Variants in MAF observed in about 807,000 individuals in gnomAD.
MAF encodes transcription factor Maf.
In MAF, 10 loss-of-function variants were observed where a neutral mutation model predicts 22.0. The observed-to-expected ratio is 0.45, with a 90% confidence interval of 0.28 to 0.77. The LOEUF (loss-of-function observed/expected upper bound fraction) is 0.77. Among genes scored for constraint, MAF ranks in the 30% least tolerant of loss-of-function variants. The pLI, the probability that MAF is intolerant of heterozygous loss-of-function variation, is 0.12. For synonymous variants in MAF, 337 were observed against 255.8 expected (o/e 1.32, Z -3.03); for missense variants, 544 against 548.4 (o/e 0.99, Z 0.08).
the MAF span, among the ~76,000 whole-genome samples, chr16:79,372,323 T>C: frequency 3.3e-5 from 5 of 152,106 alleles, no homozygotes; most frequent in Non-Finnish European, 5.9e-5. Flanking sequence ...GAAGAAAGAT[T>C]TTTTAAATAA....
the MAF span, among the ~76,000 whole-genome samples, chr16:79,229,814 T>C: frequency 6.6e-6 from 1 of 152,034 alleles, no homozygotes; most frequent in African/African-American, 2.4e-5. Context: ...CCTAACCTAG[T>C]GGTGAGAGGG....
At chr16:79,267,476 A>T in the MAF span, among the ~76,000 whole-genome samples, 1 of 152,150 alleles carries the variant, frequency 6.6e-6, no homozygotes. Flanking sequence ...AATGGGAGGA[A>T]TCCCCTTTGC....
the MAF span, among the ~76,000 whole-genome samples, chr16:79,342,835 A>G: frequency 1.3e-5 from 2 of 152,218 alleles, no homozygotes; most frequent in African/African-American, 4.8e-5. Context: ...CACATGGTCC[A>G]TGCATAGCAG....
the MAF span, among the ~76,000 whole-genome samples, chr16:79,295,629 T>A: frequency 6.6e-6 from 1 of 152,228 alleles, no homozygotes; most frequent in African/African-American, 2.4e-5. Context: ...AGGCTAAATT[T>A]GTTAACTTAA....
the MAF span, among the ~76,000 whole-genome samples, chr16:79,288,976 C>T: frequency 4.7e-4 from 71 of 152,148 alleles, no homozygotes; most frequent in Non-Finnish European, 9.0e-4. Flanking sequence ...GTGATCCACC[C>T]GCCTCGGCCT....
the MAF span, among the ~76,000 whole-genome samples, chr16:79,401,486 A>G: frequency 6.6e-6 from 1 of 152,144 alleles, no homozygotes; most frequent in African/African-American, 2.4e-5. Flanking sequence ...TCTACTGAGA[A>G]TACACTTCAT....
the MAF span, among the ~76,000 whole-genome samples, chr16:79,568,235 G>C: frequency 1.2e-4 from 18 of 152,196 alleles, no homozygotes; most frequent in African/African-American, 3.6e-4. Flanking sequence ...GCTCTGCAAA[G>C]GAAGTCTGGC....
At chr16:79,207,244 GC>G in the MAF span, among the ~76,000 whole-genome samples, 1 of 152,220 alleles carries the variant, frequency 6.6e-6, no homozygotes, top group Non-Finnish European at 1.5e-5. Context: ...GGATAAGGTG[GC>G]TGGCTTTGCA....
the MAF span, among the ~76,000 whole-genome samples, chr16:79,459,535 C>A: frequency 6.6e-6 from 1 of 152,048 alleles, no homozygotes; most frequent in Non-Finnish European, 1.5e-5. Context: ...GGAAAAGTCA[C>A]TTCCCATTGC....
chr16:79,369,298 G>A, the MAF span, among the ~76,000 whole-genome samples: 1,672 of 152,232 alleles, frequency 0.011, 20 homozygotes, highest in East Asian at 0.045. Context: ...CAACACAGAC[G>A]GGATCCCTGT....
the MAF span, among the ~76,000 whole-genome samples, chr16:79,395,953 C>G: frequency 6.6e-6 from 1 of 152,144 alleles, no homozygotes; most frequent in Non-Finnish European, 1.5e-5. Context: ...AATGGCCCCC[C>G]CGGTGGCATT....
At chr16:79,498,494 C>T in the MAF span, among the ~76,000 whole-genome samples, 1 of 152,242 alleles carries the variant, frequency 6.6e-6, no homozygotes, top group Admixed American at 6.5e-5. Context: ...TTCAGGCTAG[C>T]TTTGGCCCAT....
chr16:79,272,616 T>C, the MAF span, among the ~76,000 whole-genome samples: 1 of 152,350 alleles, frequency 6.6e-6, no homozygotes, highest in Admixed American at 6.5e-5. Flanking sequence ...GGCACAGACC[T>C]GGGAAGAGTT....
At chr16:79,343,987 C>A in the MAF span, among the ~76,000 whole-genome samples, 2 of 152,320 alleles carry the variant, frequency 1.3e-5, no homozygotes, top group South Asian at 2.1e-4. Flanking sequence ...TATCTGCTCT[C>A]TAGATCCTGG....
At chr16:79,240,286 G>A in the MAF span, among the ~76,000 whole-genome samples, 3 of 151,386 alleles carry the variant, frequency 2.0e-5, no homozygotes, top group Non-Finnish European at 4.4e-5. Context: ...GGTTACACAT[G>A]TTCTGTTTTG....
chr16:79,522,065 G>A, the MAF span, among the ~76,000 whole-genome samples: 6 of 152,180 alleles, frequency 3.9e-5, no homozygotes, highest in South Asian at 4.1e-4. Context: ...GCACACAGGC[G>A]GAGAATCTGA....
chr16:79,543,597 A>G, the MAF span, among the ~76,000 whole-genome samples: 48 of 152,096 alleles, frequency 3.2e-4, no homozygotes, highest in African/African-American at 1.1e-3. Context: ...TGGGTAACAT[A>G]ATATGGTGCT....
the MAF span, among the ~76,000 whole-genome samples, chr16:79,243,609 G>A: frequency 6.6e-6 from 1 of 151,880 alleles, no homozygotes; most frequent in East Asian, 1.9e-4. Flanking sequence ...AGGACCAGAG[G>A]GATTCAAAGC....
the MAF span, among the ~76,000 whole-genome samples, chr16:79,213,995 G>A: frequency 5.3e-5 from 8 of 152,024 alleles, no homozygotes; most frequent in South Asian, 2.1e-4. Context: ...TCTGTTCCTC[G>A]AACATGCCAA....
Sources: gnomAD v4.1 joint callset for allele counts (sites outside exome capture counted in the v4.1 genomes callset) on GRCh38, gnomAD v4.1.1 for gene constraint, MANE v1.5 for transcripts, NCBI Gene and HGNC (gene_info 2026-07-23, HGNC 2026-07-21) for gene names.